GALNTL6: variants seen among roughly 807,000 people sequenced by gnomAD.
The protein encoded by GALNTL6 is polypeptide N-acetylgalactosaminyltransferase-like 6.
GALNTL6 carries 46 observed loss-of-function variants against 73.7 expected under a neutral mutation model. That is an observed-to-expected ratio of 0.62 (90% CI 0.49 to 0.80). The LOEUF (loss-of-function observed/expected upper bound fraction) is 0.80, where lower values mean the gene tolerates loss of function less well. Among genes scored for constraint, GALNTL6 ranks in the 30% least tolerant of loss-of-function variants. The probability of loss-of-function intolerance (pLI) is 0.00; values close to 1 mark genes in which losing one functional copy is unlikely to be tolerated. For synonymous variants in GALNTL6, 259 were observed against 263.7 expected (o/e 0.98, Z 0.17); for missense variants, 604 against 755.0 (o/e 0.80, Z 2.34).
chr4:173,008,653 TAGG>T (rs1276496746), intron 10 of GALNTL6, among the ~76,000 whole-genome samples: 2 of 152,146 alleles, frequency 1.3e-5, no homozygotes, highest in Admixed American at 1.3e-4. Flanking sequence ...AGGCTGAAGT[TAGG>T]AAATCATTGA....
chr4:172,841,410 A>C (rs1256264789), intron 7 of GALNTL6, among the ~76,000 whole-genome samples: 30 of 152,172 alleles, frequency 2.0e-4, no homozygotes, highest in Non-Finnish European at 2.9e-5. Context: ...ACCTAGCTCC[A>C]AGTTCATGCA....
At chr4:172,198,446 A>G (rs1318569501) in intron 2 of GALNTL6, among the ~76,000 whole-genome samples, 1 of 152,146 alleles carries the variant, frequency 6.6e-6, no homozygotes, top group Non-Finnish European at 1.5e-5. Context: ...AAAAGTGGGC[A>G]AAAGGTATGA....
intron 7 of GALNTL6, among the ~76,000 whole-genome samples, chr4:172,860,968 T>A (rs1380393150): frequency 6.6e-6 from 1 of 152,192 alleles, no homozygotes; most frequent in Admixed American, 6.5e-5. Flanking sequence ...ATATGGCCTC[T>A]TCCTATAAAT....
At chr4:172,663,492 C>T (rs2111185229) in intron 5 of GALNTL6, among the ~76,000 whole-genome samples, 1 of 152,334 alleles carries the variant, frequency 6.6e-6, no homozygotes, top group Admixed American at 6.5e-5. Flanking sequence ...GCGGGACAAC[C>T]CCAAGGTCCC....
intron 10 of GALNTL6, among the ~76,000 whole-genome samples, chr4:172,963,671 C>T (rs1750189632): frequency 6.6e-6 from 1 of 152,214 alleles, no homozygotes; most frequent in Non-Finnish European, 1.5e-5. Context: ...CCCCAGGGCA[C>T]ACTAGACAGT....
chr4:172,857,098 C>T (rs1002052067), intron 7 of GALNTL6, among the ~76,000 whole-genome samples: 3 of 152,142 alleles, frequency 2.0e-5, no homozygotes, highest in African/African-American at 7.2e-5. Context: ...TTTATGTGGC[C>T]GAGACAGGCA....
intron 10 of GALNTL6, among the ~76,000 whole-genome samples, chr4:172,986,093 T>G (rs1431149423): frequency 6.6e-6 from 1 of 152,230 alleles, no homozygotes; most frequent in Non-Finnish European, 1.5e-5. Context: ...AAAGGCAGCT[T>G]GGAGGTTAGA....
chr4:172,663,898 C>T (rs893362882), intron 5 of GALNTL6, among the ~76,000 whole-genome samples: 1 of 150,998 alleles, frequency 6.6e-6, no homozygotes, highest in African/African-American at 2.4e-5. Context: ...TCACTGCACT[C>T]CAGCCTGGGT....
chr4:172,279,209 T>C (rs936525175), intron 3 of GALNTL6, among the ~76,000 whole-genome samples: 1 of 151,896 alleles, frequency 6.6e-6, no homozygotes, highest in African/African-American at 2.4e-5. Flanking sequence ...AAGAAAAAAA[T>C]AGGTAAATTG....
chr4:172,782,098 C>T (rs977391129), intron 5 of GALNTL6, among the ~76,000 whole-genome samples: 2 of 152,012 alleles, frequency 1.3e-5, no homozygotes, highest in African/African-American at 4.8e-5. Context: ...TTGACCATAA[C>T]CTTCTCTTAA....
intron 5 of GALNTL6, among the ~76,000 whole-genome samples, chr4:172,792,061 A>C (rs1319660143): frequency 6.6e-6 from 1 of 152,120 alleles, no homozygotes; most frequent in Non-Finnish European, 1.5e-5. Context: ...CATGTGGGCA[A>C]CTCACCCAGG....
chr4:172,809,362 A>G lies in GALNTL6; in HGVS notation c.555A>G (p.Glu185=), dbSNP rs1323463657. ...IILVDDFSER[E]HLKDKLEEYM... ...ATGCATTCTCTACTTCCTACCTAGA[A>G]CACCTGAAGGATAAATTGGAAGAAT... Residue 185 remains glutamate, a splice_region_variant and synonymous_variant, in exon 6 of 13, where the codon GAA becomes GAG. Coordinates refer to ENST00000506823, the MANE Select transcript of GALNTL6 (RefSeq NM_001034845.3). This position sits in a 1 kb window ranked among gnomAD's most constrained non-coding sequence, Gnocchi z 4.4. 1 of 1,613,064 alleles carries G rather than the reference A, an allele frequency of 6.2e-7. No homozygotes were observed. The highest frequency in any genetic ancestry group is 1.1e-5 in the South Asian group (1 of 90,900).
chr4:172,231,091 C>T (rs1560981106), intron 3 of GALNTL6, among the ~76,000 whole-genome samples: 1 of 152,088 alleles, frequency 6.6e-6, no homozygotes, highest in South Asian at 2.1e-4. Context: ...TAGGTTTTAT[C>T]ATCTTTCCAC....
rs2111039904 is a variant in GALNTL6, at chr4:172,263,232, C to A, written c.247+33468C>A. ...ATAAGTTTTACAAACTTTTAGATTT[C>A]TCTTCTTCCTCAGAGCACCATTTAT... On this transcript the variant is annotated intron_variant, in intron 3 of 12. Transcript: ENST00000506823. Among the ~76,000 whole-genome samples the A allele has an allele frequency of 2.0e-5, 3 of 151,572 alleles. No homozygotes were observed. The South Asian group carries it at 6.2e-4, about 31-fold the overall frequency.
At chr4:172,060,929 C>A (rs1000791728) in intron 2 of GALNTL6, among the ~76,000 whole-genome samples, 3 of 152,070 alleles carry the variant, frequency 2.0e-5, no homozygotes, top group African/African-American at 7.2e-5. Context: ...ATTACATGGG[C>A]TCTAAGGAAA....
chr4:172,393,622 A>AT (rs1743745041), intron 5 of GALNTL6, among the ~76,000 whole-genome samples: 1 of 152,214 alleles, frequency 6.6e-6, no homozygotes, highest in African/African-American at 2.4e-5. Context: ...GCATACGAAA[A>AT]TATTTTGAGA....
At chr4:171,927,651 TC>T (rs1235368588) in intron 2 of GALNTL6, among the ~76,000 whole-genome samples, 2 of 152,140 alleles carry the variant, frequency 1.3e-5, no homozygotes, top group Non-Finnish European at 2.9e-5. Context: ...TTTCTCTTGT[TC>T]TGCTCCAGCC....
chr4:172,350,321 G>C (rs1439835229), intron 5 of GALNTL6, among the ~76,000 whole-genome samples: 1 of 152,156 alleles, frequency 6.6e-6, no homozygotes, highest in African/African-American at 2.4e-5. Flanking sequence ...ATATTTCTCA[G>C]AGGTATTTTT....
chr4:172,821,366 A>G (rs1175947763), intron 7 of GALNTL6, among the ~76,000 whole-genome samples: 2 of 152,166 alleles, frequency 1.3e-5, no homozygotes, highest in African/African-American at 2.4e-5. Context: ...ATTCATTCAG[A>G]CTTTGAATCC....
Sources: allele counts gnomAD v4.1 joint callset (sites outside exome capture counted in the v4.1 genomes callset), GRCh38; gene constraint gnomAD v4.1.1; non-coding constraint Gnocchi (gnomAD v3.1); transcripts MANE v1.5; gene names NCBI Gene and HGNC (gene_info 2026-07-23, HGNC 2026-07-21).